The following BICD1 variants were observed in gnomAD, a reference collection of about 807,000 sequenced individuals.
BICD1 encodes BICD cargo adaptor 1.
In BICD1, 35 loss-of-function variants were observed where a neutral mutation model predicts 92.5. The ratio of observed to expected loss-of-function variants is 0.38; its 90% CI spans 0.29 to 0.50. The LOEUF is 0.50. Ranked by LOEUF, BICD1 falls within the 20% of genes least tolerant of loss-of-function variation. BICD1 has a pLI of 0.93. For missense variants in BICD1, 950 were observed against 1,189.8 expected, an observed-to-expected ratio of 0.80 and a Z score of 2.97; for synonymous variants, 429 against 465.1, an observed-to-expected ratio of 0.92 and a Z score of 1.00.
At chr12:32,344,318 C>T (rs921282973) in intron 8 of BICD1, among the ~76,000 whole-genome samples, 8 of 152,160 alleles carry the variant, frequency 5.3e-5, no homozygotes, top group African/African-American at 1.9e-4. Flanking sequence ...GCACTACAAC[C>T]TGGTGCAGGA....
At chr12:32,366,390 C>G (rs990612991) in intron 8 of BICD1, among the ~76,000 whole-genome samples, 1 of 152,202 alleles carries the variant, frequency 6.6e-6, no homozygotes, top group Non-Finnish European at 1.5e-5. Flanking sequence ...GAGGCCGAGG[C>G]AGGTGGATCA....
At chr12:32,231,352 G>A (rs2594008) in intron 2 of BICD1, among the ~76,000 whole-genome samples, 62,566 of 151,724 alleles carry the variant, frequency 0.41, 13,235 homozygotes, top group Non-Finnish European at 0.46. Context: ...GCATGGTGGC[G>A]TGTGCCTGTA....
At chr12:32,339,661 G>A in intron 8 of BICD1, 1 of 985,322 alleles carries the variant, frequency 1.0e-6, no homozygotes, top group Non-Finnish European at 1.2e-6. Flanking sequence ...GGCAAATAGA[G>A]AAAATTATTC....
intron 2 of BICD1, among the ~76,000 whole-genome samples, chr12:32,233,422 A>T (rs1945957118): frequency 2.0e-5 from 3 of 152,022 alleles, no homozygotes; most frequent in Non-Finnish European, 1.5e-5. Flanking sequence ...AAAAATAAGC[A>T]GTGGAAAGCA....
chr12:32,213,955 A>G (rs1301509578), intron 1 of BICD1, among the ~76,000 whole-genome samples: 2 of 152,230 alleles, frequency 1.3e-5, no homozygotes, highest in African/African-American at 4.8e-5. Flanking sequence ...AGTGTTTGCT[A>G]AATGCTGATA....
In BICD1 at chr12:32,107,276, C is replaced by G. The variant is rs1318736105; in HGVS notation, c.-56C>G. The G allele has an allele frequency of 2.1e-6, 3 of 1,453,074 alleles. No homozygotes were observed. In the Admixed American group the frequency reaches 6.3e-5, roughly 30 times the overall value. 90.0% of individuals were successfully genotyped at this position (1,453,074 alleles called of 1,614,324 possible). ...ATTTCCTTCTCCCTTTCCCCGCCAGCTTCGCATCCATCTCCCCCACCCCGT... is the reference window on the plus strand; with the variant it reads ...ATTTCCTTCTCCCTTTCCCCGCCAGGTTCGCATCCATCTCCCCCACCCCGT... On this transcript the variant is annotated 5_prime_UTR_variant, in exon 1 of 10. Coordinates refer to ENST00000652176, the MANE Select transcript of BICD1 (RefSeq NM_001714.4).
At chr12:32,276,167 C>A (rs1947271098) in intron 2 of BICD1, among the ~76,000 whole-genome samples, 1 of 152,156 alleles carries the variant, frequency 6.6e-6, no homozygotes, top group Non-Finnish European at 1.5e-5. Flanking sequence ...GACTAAGATC[C>A]ACCGCAGACC....
chr12:32,179,474 A>G (rs182996776), intron 1 of BICD1, among the ~76,000 whole-genome samples: 1 of 152,118 alleles, frequency 6.6e-6, no homozygotes, highest in Admixed American at 6.6e-5. Flanking sequence ...ATAGACAAAA[A>G]TACTTTGAGT....
intron 2 of BICD1, among the ~76,000 whole-genome samples, chr12:32,278,717 G>A (rs912665839): frequency 2.6e-5 from 4 of 152,130 alleles, no homozygotes; most frequent in Admixed American, 6.5e-5. Context: ...TTAGCCGGGC[G>A]TGTTGGCGGG....
intron 2 of BICD1, among the ~76,000 whole-genome samples, chr12:32,224,870 T>C (rs1592508125): frequency 6.6e-6 from 1 of 152,246 alleles, no homozygotes; most frequent in African/African-American, 2.4e-5. Flanking sequence ...CTTGGCTAAA[T>C]TTTGTATTTT....
At chr12:32,324,958 C>T (rs1356707654) in intron 4 of BICD1, among the ~76,000 whole-genome samples, 1 of 152,134 alleles carries the variant, frequency 6.6e-6, no homozygotes, top group Non-Finnish European at 1.5e-5. Context: ...GTCCCTCAAA[C>T]AGCATTAGTG....
intron 4 of BICD1, among the ~76,000 whole-genome samples, chr12:32,325,360 T>C (rs2136253494): frequency 6.6e-6 from 1 of 152,296 alleles, no homozygotes; most frequent in Non-Finnish European, 1.5e-5. Flanking sequence ...CATTGGCCGT[T>C]GGTCATGATG....
chr12:32,344,888 T>C (rs1458098629), intron 8 of BICD1, among the ~76,000 whole-genome samples: 3 of 152,214 alleles, frequency 2.0e-5, no homozygotes, highest in African/African-American at 7.2e-5. Flanking sequence ...TGTAATCTCT[T>C]AGGCTTGTAT....
intron 5 of BICD1, among the ~76,000 whole-genome samples, chr12:32,330,128 A>G (rs1303394943): frequency 1.3e-5 from 2 of 152,166 alleles, no homozygotes; most frequent in Non-Finnish European, 2.9e-5. Flanking sequence ...TGCAGCTTTC[A>G]AGTCCTCATC....
chr12:32,231,841 G>GT (rs908026897), intron 2 of BICD1, among the ~76,000 whole-genome samples: 3 of 149,366 alleles, frequency 2.0e-5, no homozygotes, highest in Admixed American at 6.8e-5. Flanking sequence ...TGCAGTGTTT[G>GT]TTTTTTTGTT....
At chr12:32,127,850 G>A (rs1270851046) in intron 1 of BICD1, among the ~76,000 whole-genome samples, 2 of 152,014 alleles carry the variant, frequency 1.3e-5, no homozygotes, top group African/African-American at 4.8e-5. Flanking sequence ...TCCAGCAAGG[G>A]AACTCAATTG....
At position 32,337,888 on chromosome 12, in the gene BICD1, C is replaced by A; in HGVS notation, c.2570+72C>A. The A allele has an allele frequency of 6.5e-7, 1 of 1,536,654 alleles. No homozygotes were observed. The highest frequency in any genetic ancestry group is 9.0e-7 in the Non-Finnish European group (1 of 1,113,514). On this transcript the variant is annotated intron_variant, in intron 7 of 9. Transcript: ENST00000652176. The surrounding 1 kb of genome is among the most constrained non-coding windows in gnomAD (Gnocchi z 4.7). ...AGTTAACTGCAAAAATAAATGTGCTCTTGTTGTGGAGGATGGAGGAGGGGA... is the reference window on the plus strand; with the variant it reads ...AGTTAACTGCAAAAATAAATGTGCTATTGTTGTGGAGGATGGAGGAGGGGA...
intron 1 of BICD1, among the ~76,000 whole-genome samples, chr12:32,158,663 A>T (rs1301369974): frequency 6.6e-6 from 1 of 152,146 alleles, no homozygotes; most frequent in African/African-American, 2.4e-5. Context: ...TGTGATTCTC[A>T]TGAATGGCTT....
At chr12:32,336,623 T>A (rs1041415339) in intron 6 of BICD1, among the ~76,000 whole-genome samples, 1 of 152,216 alleles carries the variant, frequency 6.6e-6, no homozygotes, top group Non-Finnish European at 1.5e-5. Flanking sequence ...CATTATTATT[T>A]TGGATACTAT....
Sources: gnomAD v4.1 joint callset for allele counts (sites outside exome capture counted in the v4.1 genomes callset) on GRCh38, gnomAD v4.1.1 for gene constraint, Gnocchi (gnomAD v3.1) non-coding constraint, MANE v1.5 for transcripts, NCBI Gene and HGNC (gene_info 2026-07-23, HGNC 2026-07-21) for gene names.